Variants in H3-3B observed in about 807,000 individuals in gnomAD.
H3-3B encodes H3.3 histone B.
H3-3B carries 2 observed loss-of-function variants against 13.1 expected under a neutral mutation model. The ratio of observed to expected loss-of-function variants is 0.15; its 90% CI spans 0.06 to 0.48. The LOEUF (loss-of-function observed/expected upper bound fraction) is 0.48, where lower values mean the gene tolerates loss of function less well. Among genes scored for constraint, H3-3B ranks in the 20% least tolerant of loss-of-function variants. The pLI, the probability that H3-3B is intolerant of heterozygous loss-of-function variation, is 0.97. For missense variants in H3-3B, 39 were observed against 186.0 expected (o/e 0.21, Z 4.60); for synonymous variants, 133 against 75.8 (o/e 1.76, Z -3.92).
At position 75,777,603 on chromosome 17, in the gene H3-3B, A is replaced by C. The variant is rs2061644722; in HGVS notation, c.*992T>G. 6.6e-6 allele frequency: 1 copy of C among 152,508 alleles called. No homozygotes were observed. Among genetic ancestry groups the C allele is most frequent in the African/African-American group, 2.4e-5 (1 of 41,444 alleles). 9.4% of individuals were successfully genotyped at this position (152,508 alleles called of 1,614,324 possible). On this transcript the variant is annotated 3_prime_UTR_variant, in exon 4 of 4. Coordinates refer to ENST00000254810, the MANE Select transcript of H3-3B (RefSeq NM_005324.5). ...ACCAGATGTAACCTAACCCAACACC[A>C]TCTTAATTGGCAGAGGTTCAGTGGG...
chr17:75,777,555 A>G lies in H3-3B; in HGVS notation c.*1040T>C, dbSNP rs928411475. On this transcript the variant is annotated 3_prime_UTR_variant, in exon 4 of 4. Transcript: ENST00000254810. ...AACCACTTGGAAGGCCATCTCTATA[A>G]AAATGATTTTCCCAGGACAGTAACC... 1.2e-4 allele frequency: 18 copies of G among 152,622 alleles called. No individual in the cohort carries two copies. The highest frequency in any genetic ancestry group is 3.9e-4 in the African/African-American group (16 of 41,456). 9.5% of individuals were successfully genotyped at this position (152,622 alleles called of 1,614,324 possible). A position where few individuals can be genotyped will look rare whatever the true frequency, so the allele number is the denominator to read the frequency against.
Position 75,777,707 on chromosome 17 carries a change from C to T in H3-3B, c.*888G>A, listed in dbSNP as rs2061645355. On this transcript the variant is annotated 3_prime_UTR_variant, in exon 4 of 4. Transcript: ENST00000254810. ...AGAAAAAGAACTTCGGTACTGTTTC[C>T]TCAGCAGAGGAGAAAAACTCAACCT... The T allele has an allele frequency of 6.6e-6, 1 of 152,402 alleles. No individual in the cohort carries two copies. Among genetic ancestry groups the T allele is most frequent in the Non-Finnish European group, 1.5e-5 (1 of 68,036 alleles). 9.4% of individuals were successfully genotyped at this position (152,402 alleles called of 1,614,324 possible).
intron 1 of H3-3B, 142 bp downstream of exon 1, chr17:75,779,515 C>G (rs1348545035): frequency 1.6e-5 from 3 of 185,090 alleles, no homozygotes; most frequent in Non-Finnish European, 3.3e-5. Context: ...GAACAAAGCC[C>G]CAAGGGGAAA....
chr17:75,779,042 C>G lies in H3-3B; in HGVS notation c.128+5G>C. 6.2e-7 allele frequency: 1 copy of G among 1,610,670 alleles called. No homozygotes were observed. Among genetic ancestry groups the G allele is most frequent in the Non-Finnish European group, 8.5e-7 (1 of 1,177,880 alleles). On this transcript the variant is annotated splice_donor_5th_base_variant and intron_variant, in intron 2 of 3. Coordinates refer to ENST00000254810, the MANE Select transcript of H3-3B (RefSeq NM_005324.5). ...GCCGGGCCATTGTTCCCCCGCCCGACCTACCTGTAGCGATGAGGCTTCTTC... is the reference window on the plus strand; with the variant it reads ...GCCGGGCCATTGTTCCCCCGCCCGAGCTACCTGTAGCGATGAGGCTTCTTC...
chr17:75,779,346 C>A (rs922619994), intron 1 of H3-3B, 162 bp from the exon 2 acceptor site: 3 of 662,058 alleles, frequency 4.5e-6, no homozygotes, highest in South Asian at 5.7e-5. Flanking sequence ...TCCTCCCCCT[C>A]CCCTAATGAC....
intron 2 of H3-3B, 25 bp from the exon 3 acceptor site, chr17:75,778,988 G>T: frequency 6.2e-7 from 1 of 1,613,692 alleles, no homozygotes; most frequent in Non-Finnish European, 8.5e-7. Flanking sequence ...GGAGGAGTGA[G>T]CGGACGCTGC....
In H3-3B at chr17:75,776,968, TC is replaced by T. The variant is rs2061640725; in HGVS notation, c.*1626del. The T allele has an allele frequency of 6.6e-6, 1 of 152,198 alleles. No homozygotes were observed. The highest frequency in any genetic ancestry group is 2.4e-5 in the African/African-American group (1 of 41,448). 9.4% of individuals were successfully genotyped at this position (152,198 alleles called of 1,614,324 possible). On this transcript the variant is annotated 3_prime_UTR_variant, in exon 4 of 4. Coordinates refer to ENST00000254810, the MANE Select transcript of H3-3B (RefSeq NM_005324.5). ...GACCTGAAAGATACCTACTTTACCT[TC>T]CCTCCAAAATATCACATTTGAAACT...
rs2143629758 is a variant in H3-3B at position 75,778,547 on chromosome 17, A to C, written c.*48T>G. 2.5e-6 allele frequency: 4 copies of C among 1,577,490 alleles called. No homozygotes were observed. Among genetic ancestry groups the C allele is most frequent in the Non-Finnish European group, 3.4e-6 (4 of 1,161,920 alleles). On this transcript the variant is annotated 3_prime_UTR_variant, in exon 4 of 4. Coordinates refer to ENST00000254810, the MANE Select transcript of H3-3B (RefSeq NM_005324.5). ...ACAAAAAAAGTCACAAATTAAACCA[A>C]AGTATTTTACAGAATTTACTACAAA...
Position 75,778,611 on chromosome 17 carries a change from C to T in H3-3B, c.395G>A (p.Arg132Gln). The change falls in exon 4 of 4, where the codon CGG (arginine) becomes CAG (glutamine). Residue 132 changes from arginine to glutamine, a missense_variant. Arg to Gln is a conservative substitution (Grantham distance 43). Transcript: ENST00000254810. ...PKDIQLARRI[R>Q]GERA ...TGCCTTCACTTAAGCTCTCTCTCCCCGTATCCGGCGAGCCAACTGGATGTC... is the reference window on the plus strand; with the variant it reads ...TGCCTTCACTTAAGCTCTCTCTCCCTGTATCCGGCGAGCCAACTGGATGTC... 6.2e-7 allele frequency: 1 copy of T among 1,614,112 alleles called. No individual in the cohort carries two copies. Among genetic ancestry groups the T allele is most frequent in the Non-Finnish European group, 8.5e-7 (1 of 1,179,970 alleles).
In H3-3B at chr17:75,779,315, G is replaced by A. The variant is rs1045828490; in HGVS notation, c.-10-131C>T. ...CCCCGCGCCCCACCTCGCGGCAGCA[G>A]ATGGCCGAGGGCCGCCAACCTCCTC... On this transcript the variant is annotated intron_variant, in intron 1 of 3. Transcript: ENST00000254810. 6 of 1,047,026 alleles carry A rather than the reference G, an allele frequency of 5.7e-6. No individual in the cohort carries two copies. In the African/African-American group the frequency reaches 8.3e-5, roughly 15 times the overall value. 64.9% of individuals were successfully genotyped at this position (1,047,026 alleles called of 1,614,324 possible).
chr17:75,776,901 C>T lies in H3-3B; in HGVS notation c.*1694G>A, dbSNP rs965158777. On this transcript the variant is annotated 3_prime_UTR_variant, in exon 4 of 4. Coordinates refer to ENST00000254810, the MANE Select transcript of H3-3B (RefSeq NM_005324.5). ...GCTGATTATGAACTTTCTAGAAAAG[C>T]GGGTCATTATATTGCATCCTTTCAT... 2.6e-5 allele frequency: 4 copies of T among 152,156 alleles called. No homozygotes were observed. The East Asian group carries it at 5.8e-4, about 22-fold the overall frequency. The allele number at this position is 152,156 out of a possible 1,614,324, so 9.4% of individuals were successfully genotyped here. A position where few individuals can be genotyped will look rare whatever the true frequency, so the allele number is the denominator to read the frequency against.
rs746293947 is a variant in H3-3B at position 75,779,082 on chromosome 17, G to A, written c.93C>T (p.Pro31=). Residue 31 remains proline, a synonymous_variant, in exon 2 of 4, where the codon CCC becomes CCT. Coordinates refer to ENST00000254810, the MANE Select transcript of H3-3B (RefSeq NM_005324.5). ...LATKAARKSA[P]STGGVKKPHR... ...GAGGCTTCTTCACCCCGCCGGTAGA[G>A]GGAGCGCTTTTCCTGGCGGCTTTCG... 9.3e-6 allele frequency: 15 copies of A among 1,607,098 alleles called. No homozygotes were observed. The highest frequency in any genetic ancestry group is 1.7e-4 in the Middle Eastern group (1 of 6,054).
In H3-3B at chr17:75,777,111, T is replaced by G. The variant is rs1435014648; in HGVS notation, c.*1484A>C. ...TCATGCTGTCTCACTGACATCCACG[T>G]ACTATGCTTTAGTGGCCATCATCGC... is the stretch of plus-strand genomic sequence containing the variant. On this transcript the variant is annotated 3_prime_UTR_variant, in exon 4 of 4. Coordinates refer to ENST00000254810, the MANE Select transcript of H3-3B (RefSeq NM_005324.5). The G allele has an allele frequency of 1.3e-5, 2 of 152,216 alleles. No homozygotes were observed. The highest frequency in any genetic ancestry group is 1.3e-4 in the Admixed American group (2 of 15,276). The allele number at this position is 152,216 out of a possible 1,614,324, so 9.4% of individuals were successfully genotyped here.
Position 75,777,881 on chromosome 17 carries a change from G to A in H3-3B, c.*714C>T, listed in dbSNP as rs932820956. The A allele has an allele frequency of 7.2e-5, 11 of 152,480 alleles. No individual in the cohort carries two copies. The highest frequency in any genetic ancestry group is 5.8e-4 in the East Asian group (3 of 5,166). The allele number at this position is 152,480 out of a possible 1,614,324, so 9.4% of individuals were successfully genotyped here. A position where few individuals can be genotyped will look rare whatever the true frequency, so the allele number is the denominator to read the frequency against. ...TTAGTGTTTGCATTATCAGCTAGAG[G>A]GTTAACATGTGGTAGAATGAGGACT... On this transcript the variant is annotated 3_prime_UTR_variant, in exon 4 of 4. Transcript: ENST00000254810.
At position 75,777,776 on chromosome 17, in the gene H3-3B, C is replaced by G. The variant is rs1160881098; in HGVS notation, c.*819G>C. 1.3e-5 allele frequency: 2 copies of G among 152,538 alleles called. No individual in the cohort carries two copies. The highest frequency in any genetic ancestry group is 1.3e-4 in the Admixed American group (2 of 15,280). The allele number at this position is 152,538 out of a possible 1,614,324, so 9.4% of individuals were successfully genotyped here. The stretch of plus-strand genomic sequence containing the variant: ...ACAACACAATGAAAAGCTGCACTAA[C>G]TAGTTCAGAATGTTAGTTAAGATGA... On this transcript the variant is annotated 3_prime_UTR_variant, in exon 4 of 4. Coordinates refer to ENST00000254810, the MANE Select transcript of H3-3B (RefSeq NM_005324.5).
At position 75,779,191 on chromosome 17, in the gene H3-3B, A is replaced by G; in HGVS notation, c.-10-7T>C. On this transcript the variant is annotated splice_region_variant and splice_polypyrimidine_tract_variant and intron_variant, in intron 1 of 3. Transcript: ENST00000254810. ...TCGGGCCATTTTCTTTCACCTAAGAAAGACGCCCCGAAGATAAGGCCGCCG... is the reference window on the plus strand; with the variant it reads ...TCGGGCCATTTTCTTTCACCTAAGAGAGACGCCCCGAAGATAAGGCCGCCG... The G allele has an allele frequency of 2.7e-6, 4 of 1,489,322 alleles. No individual in the cohort carries two copies. The highest frequency in any genetic ancestry group is 1.4e-5 in the South Asian group (1 of 73,516). 92.3% of individuals were successfully genotyped at this position (1,489,322 alleles called of 1,614,324 possible).
In H3-3B at chr17:75,779,663, C is replaced by T; in HGVS notation, c.-17G>A. Reference sequence around the variant, plus strand: ...TAAACCTACGAACGCCTACCCAACGCCGAAGTTTTAGGCCACTTCTCCGAC... The same window carrying T: ...TAAACCTACGAACGCCTACCCAACGTCGAAGTTTTAGGCCACTTCTCCGAC... On this transcript the variant is annotated 5_prime_UTR_variant, in exon 1 of 4. Coordinates refer to ENST00000254810, the MANE Select transcript of H3-3B (RefSeq NM_005324.5). The T allele has an allele frequency of 6.3e-6, 1 of 157,496 alleles. No homozygotes were observed. The allele number at this position is 157,496 out of a possible 1,614,324, so 9.8% of individuals were successfully genotyped here.
intron 2 of H3-3B, 32 bp from the exon 3 acceptor site, chr17:75,778,995 C>T: frequency 6.2e-7 from 1 of 1,613,422 alleles, no homozygotes; most frequent in Non-Finnish European, 8.5e-7. Context: ...TGAGCGGACG[C>T]TGCCGCACAA....
chr17:75,778,429 A>C lies in H3-3B; in HGVS notation c.*166T>G, dbSNP rs1442578593. 1 of 912,008 alleles carries C rather than the reference A, an allele frequency of 1.1e-6. No individual in the cohort carries two copies. The highest frequency in any genetic ancestry group is 1.7e-5 in the African/African-American group (1 of 59,454). 56.5% of individuals were successfully genotyped at this position (912,008 alleles called of 1,614,324 possible). ...ACTCCTGAGCAACAGTGCTCACATC[A>C]CTGAGGTCTGTGAACAGTCACTTTT... On this transcript the variant is annotated 3_prime_UTR_variant, in exon 4 of 4. Transcript: ENST00000254810.
Sources: gnomAD v4.1 joint callset for allele counts on GRCh38, gnomAD v4.1.1 for gene constraint, MANE v1.5 for transcripts, NCBI Gene and HGNC (gene_info 2026-07-23, HGNC 2026-07-21) for gene names.